CBL: variants seen among roughly 807,000 people sequenced by gnomAD.
The protein encoded by CBL is E3 ubiquitin-protein ligase CBL.
Under a neutral mutation model 96.9 loss-of-function variants are expected in CBL, and 45 were observed. The ratio of observed to expected loss-of-function variants is 0.46; its 90% CI spans 0.37 to 0.60. CBL has a LOEUF of 0.60. CBL is among the 20% of genes least tolerant of loss of function. CBL has a pLI of 0.00. For synonymous variants in CBL, 420 were observed against 426.8 expected, an observed-to-expected ratio of 0.98 and a Z score of 0.20; for missense variants, 1,024 against 1,143.5, an observed-to-expected ratio of 0.90 and a Z score of 1.51.
At chr11:119,291,756 T>G (rs1950028242) in intron 12 of CBL, among the ~76,000 whole-genome samples, 1 of 152,370 alleles carries the variant, frequency 6.6e-6, no homozygotes, top group African/African-American at 2.4e-5. Context: ...CTTATTTTCC[T>G]AGCTGCCTAC....
chr11:119,223,003 C>T (rs1592372918), intron 1 of CBL, among the ~76,000 whole-genome samples: 1 of 151,892 alleles, frequency 6.6e-6, no homozygotes, highest in East Asian at 1.9e-4. Context: ...TAGTGAGGCC[C>T]TATCGCTGCA....
rs187961956 is a variant in CBL at position 119,307,470 on chromosome 11, C to G, written c.*7689C>G. On this transcript the variant is annotated 3_prime_UTR_variant, in exon 16 of 16. Transcript: ENST00000264033. ...CCCCCATCAGATGTGGCTGGCCTTT[C>G]ATTTGAAGGCTTCAGACTTAAAGCA... 4.3e-6 allele frequency: 1 copy of G among 231,984 alleles called. No homozygotes were observed. The highest frequency in any genetic ancestry group is 8.6e-6 in the Non-Finnish European group (1 of 116,934). The allele number at this position is 231,984 out of a possible 1,614,324, so 14.4% of individuals were successfully genotyped here.
intron 1 of CBL, among the ~76,000 whole-genome samples, chr11:119,222,636 A>C (rs1340852590): frequency 6.6e-6 from 1 of 151,774 alleles, no homozygotes; most frequent in Non-Finnish European, 1.5e-5. Flanking sequence ...GCAGGAAAAT[A>C]TTTGTATCTT....
intron 2 of CBL, among the ~76,000 whole-genome samples, chr11:119,264,441 C>CTCTTCTCT (rs1443419123): frequency 1.2e-5 from 1 of 84,396 alleles, no homozygotes; most frequent in Non-Finnish European, 2.7e-5. Context: ...CTCTTCTCTT[C>CTCTTCTCT]TTTCTCTTCT....
chr11:119,234,242 G>A (rs1401177252), intron 2 of CBL, among the ~76,000 whole-genome samples: 3 of 152,104 alleles, frequency 2.0e-5, no homozygotes, highest in Admixed American at 6.6e-5. Flanking sequence ...CTGACCTCAG[G>A]GGATCCGCCT....
rs145498486 is a variant in CBL at position 119,300,110 on chromosome 11, A to G, written c.*329A>G. The stretch of plus-strand genomic sequence containing the variant: ...AGTATTTTGCTGGAAATCCTAATTG[A>G]GGACTTAAGACTTCCTGGGTTAAGG... On this transcript the variant is annotated 3_prime_UTR_variant, in exon 16 of 16. Transcript: ENST00000264033. The G allele has an allele frequency of 4.4e-4, 243 of 549,282 alleles. 2 individuals are homozygous for G. The East Asian group carries it at 7.3e-3, about 16-fold the overall frequency. 34.0% of individuals were successfully genotyped at this position (549,282 alleles called of 1,614,324 possible).
chr11:119,209,526 G>GGA (rs1949300478), intron 1 of CBL, among the ~76,000 whole-genome samples: 1 of 152,156 alleles, frequency 6.6e-6, no homozygotes, highest in South Asian at 2.1e-4. Flanking sequence ...GACTGGGACA[G>GGA]GAGAATCCCT....
At chr11:119,251,125 G>A (rs1949666972) in intron 2 of CBL, among the ~76,000 whole-genome samples, 2 of 152,186 alleles carry the variant, frequency 1.3e-5, no homozygotes, top group South Asian at 4.1e-4. Context: ...TGCTTGCTGT[G>A]TGCCTGATAT....
chr11:119,225,699 C>G (rs1027990364), intron 1 of CBL, among the ~76,000 whole-genome samples: 1 of 149,498 alleles, frequency 6.7e-6, no homozygotes. Flanking sequence ...TGTAAGACAC[C>G]GTATCCAGCC....
At position 119,248,945 on chromosome 11, in the gene CBL, T is replaced by G. The variant is rs79813117; in HGVS notation, c.443+16250T>G. On this transcript the variant is annotated intron_variant, in intron 2 of 15. Transcript: ENST00000264033. ...CCACAATGAGATACCACTTCACAGC[T>G]GTTAGGTGGATATTATTTTAAGAAT... Among the ~76,000 whole-genome samples, 82 of 152,328 alleles carry G rather than the reference T, an allele frequency of 5.4e-4. 1 individual carries two copies. The East Asian group carries it at 0.013, about 25-fold the overall frequency.
chr11:119,252,583 C>T (rs559698307), intron 2 of CBL, among the ~76,000 whole-genome samples: 5 of 152,160 alleles, frequency 3.3e-5, no homozygotes, highest in South Asian at 2.1e-4. Context: ...AGGCCAGGTG[C>T]GGTGGCTCAC....
intron 2 of CBL, among the ~76,000 whole-genome samples, chr11:119,257,307 T>C (rs1438919659): frequency 1.3e-5 from 2 of 152,238 alleles, no homozygotes; most frequent in African/African-American, 2.4e-5. Context: ...CCACTCTGGC[T>C]GGGGTAAGGT....
At chr11:119,211,696 GT>G (rs1439033588) in intron 1 of CBL, among the ~76,000 whole-genome samples, 4 of 151,762 alleles carry the variant, frequency 2.6e-5, no homozygotes, top group Non-Finnish European at 4.4e-5. Flanking sequence ...TAGAGATGAG[GT>G]TTTGCCATGT....
At chr11:119,287,972 T>G (rs1458707560) in intron 12 of CBL, 26 bp downstream of exon 12, 2 of 1,471,406 alleles carry the variant, frequency 1.4e-6, no homozygotes, top group Non-Finnish European at 1.9e-6. Flanking sequence ...CTATATTTTG[T>G]ACAGTGGAGT....
chr11:119,245,545 A>G (rs1299529540), intron 2 of CBL, among the ~76,000 whole-genome samples: 1 of 152,106 alleles, frequency 6.6e-6, no homozygotes, highest in East Asian at 1.9e-4. Flanking sequence ...CCTGGCCAAC[A>G]TGGTGAAACC....
intron 1 of CBL, among the ~76,000 whole-genome samples, chr11:119,228,313 A>G (rs564471589): frequency 1.3e-4 from 20 of 152,146 alleles, no homozygotes; most frequent in South Asian, 4.2e-4. Context: ...GGGTTTTGCA[A>G]TGTTGTCCAG....
intron 2 of CBL, among the ~76,000 whole-genome samples, chr11:119,236,078 A>G (rs1223495789): frequency 1.3e-5 from 2 of 152,058 alleles, no homozygotes; most frequent in Non-Finnish European, 2.9e-5. Context: ...TAATTCACAT[A>G]CCATAAAATT....
At chr11:119,262,276 C>A (rs1488810237) in intron 2 of CBL, among the ~76,000 whole-genome samples, 1 of 152,094 alleles carries the variant, frequency 6.6e-6, no homozygotes, top group East Asian at 1.9e-4. Flanking sequence ...TGATTACAGA[C>A]CAGAGGAGAC....
intron 2 of CBL, among the ~76,000 whole-genome samples, chr11:119,265,460 C>T (rs1949794552): frequency 6.6e-6 from 1 of 152,148 alleles, no homozygotes; most frequent in Non-Finnish European, 1.5e-5. Context: ...TTTAAATTCC[C>T]TAAGACATAA....
Sources: allele counts gnomAD v4.1 joint callset (sites outside exome capture counted in the v4.1 genomes callset), GRCh38; gene constraint gnomAD v4.1.1; transcripts MANE v1.5; gene names NCBI Gene and HGNC (gene_info 2026-07-23, HGNC 2026-07-21).